The following ZNF808 variants were observed in gnomAD, a reference collection of about 807,000 sequenced individuals.
ZNF808 encodes the protein zinc finger protein 808.
A neutral mutation model predicts 8.7 loss-of-function variants in ZNF808; 5 were observed. The observed-to-expected ratio is 0.58, with a 90% CI of 0.30 to 1.21. The LOEUF is 1.21. Ranked by LOEUF, ZNF808 falls within the 50% of genes most tolerant of loss-of-function variation. The pLI is 0.07. For synonymous variants in ZNF808, 380 were observed against 366.0 expected, an observed-to-expected ratio of 1.04 and a Z score of -0.44; for missense variants, 1,103 against 1,098.4, an observed-to-expected ratio of 1.00 and a Z score of -0.06.
chr19:52,530,102 C>T (rs191881839), intron 1 of ZNF808, among the ~76,000 whole-genome samples: 1 of 151,864 alleles, frequency 6.6e-6, no homozygotes, highest in Non-Finnish European at 1.5e-5. Flanking sequence ...TTCTTTTTGC[C>T]CAGGCTAGCG....
chr19:52,566,147 A>T (rs1179023562), downstream of ZNF808, among the ~76,000 whole-genome samples: 3 of 151,298 alleles, frequency 2.0e-5, no homozygotes, highest in Non-Finnish European at 3.0e-5. Flanking sequence ...GAAAGATTTT[A>T]TATATATATA....
downstream of ZNF808, among the ~76,000 whole-genome samples, chr19:52,560,980 C>G (rs987928511): frequency 8.5e-5 from 13 of 152,050 alleles, no homozygotes; most frequent in Non-Finnish European, 1.9e-4. Context: ...CTGAGTAAGT[C>G]AAGACCTTAT....
At chr19:52,534,442 C>T (rs1370273870) in intron 2 of ZNF808, among the ~76,000 whole-genome samples, 3 of 152,116 alleles carry the variant, frequency 2.0e-5, no homozygotes, top group Non-Finnish European at 4.4e-5. Flanking sequence ...TAGCTGTTTG[C>T]CTCTATTTCC....
chr19:52,554,052 C>CT lies in ZNF808; in HGVS notation c.1140dup (p.Ala381CysfsTer11). 6.2e-7 allele frequency: 1 copy of CT among 1,614,042 alleles called. No individual in the cohort carries two copies. Among genetic ancestry groups the CT allele is most frequent in the Non-Finnish European group, 8.5e-7 (1 of 1,179,990 alleles). On this transcript the variant is annotated frameshift_variant, in exon 5 of 5. Coordinates refer to ENST00000359798, the MANE Select transcript of ZNF808 (RefSeq NM_001039886.4). LOFTEE classifies it low-confidence loss of function (END_TRUNC). ...TACAAATGTAAGATTTGTGAGAAGG[C>CT]TTTTGCGTGTCATTCCTATCTGGCA...
At chr19:52,541,197 G>C (rs139190015) in intron 2 of ZNF808, among the ~76,000 whole-genome samples, 2 of 151,158 alleles carry the variant, frequency 1.3e-5, no homozygotes, top group Non-Finnish European at 2.9e-5. Context: ...TGATCTGCCC[G>C]CCTCAGCCTC....
chr19:52,538,427 G>C (rs2608525), intron 2 of ZNF808, among the ~76,000 whole-genome samples: 45,521 of 147,050 alleles, frequency 0.31, 7,146 homozygotes, highest in East Asian at 0.5. Flanking sequence ...ATGACTCTCT[G>C]TGCCTTTAGA....
intron 2 of ZNF808, among the ~76,000 whole-genome samples, chr19:52,540,287 G>A (rs1318305127): frequency 2.0e-5 from 3 of 152,178 alleles, no homozygotes; most frequent in Non-Finnish European, 4.4e-5. Flanking sequence ...TGGGATTATA[G>A]GCGTGAGTCA....
chr19:52,553,014 A>G (rs1411284903), intron 4 of ZNF808, 93 bp from the exon 5 acceptor site: 1 of 1,407,744 alleles, frequency 7.1e-7, no homozygotes, highest in Non-Finnish European at 9.3e-7. Context: ...GGAATTTCAA[A>G]ATAAGTATTG....
In ZNF808 at chr19:52,555,718, T is replaced by A. The variant is rs1262397013; in HGVS notation, c.*90T>A. On this transcript the variant is annotated 3_prime_UTR_variant, in exon 5 of 5. Coordinates refer to ENST00000359798, the MANE Select transcript of ZNF808 (RefSeq NM_001039886.4). ...ATGAAGAGAAATCTTCTGAGTGTAA[T>A]AAATGTGGCATGTTTTTCAGACATT... is the stretch of plus-strand genomic sequence containing the variant. The A allele has an allele frequency of 3.3e-6, 5 of 1,521,220 alleles. No individual in the cohort carries two copies. The highest frequency in any genetic ancestry group is 4.5e-6 in the Non-Finnish European group (5 of 1,123,046). 94.2% of individuals were successfully genotyped at this position (1,521,220 alleles called of 1,614,324 possible). A position where few individuals can be genotyped will look rare whatever the true frequency, so the allele number is the denominator to read the frequency against.
chr19:52,566,540 AATAG>A (rs1426988875), downstream of ZNF808, among the ~76,000 whole-genome samples: 1 of 152,188 alleles, frequency 6.6e-6, no homozygotes, highest in Non-Finnish European at 1.5e-5. Flanking sequence ...AAACGCAAAT[AATAG>A]ATAATTACAT....
intron 2 of ZNF808, among the ~76,000 whole-genome samples, chr19:52,537,141 G>C (rs910770663): frequency 6.6e-6 from 1 of 151,870 alleles, no homozygotes; most frequent in South Asian, 2.1e-4. Flanking sequence ...AGCCGAGATC[G>C]CACCATTGCA....
chr19:52,536,392 C>T (rs905869826), intron 2 of ZNF808, among the ~76,000 whole-genome samples: 2 of 152,108 alleles, frequency 1.3e-5, no homozygotes, highest in South Asian at 2.1e-4. Context: ...GCCTCTCCGT[C>T]TTCGGCCCCT....
intron 4 of ZNF808, among the ~76,000 whole-genome samples, chr19:52,551,812 G>T (rs1381483044): frequency 1.3e-5 from 2 of 151,834 alleles, no homozygotes; most frequent in African/African-American, 4.8e-5. Context: ...AGACCAGCCT[G>T]GCCAACATGG....
chr19:52,547,469 C>T, intron 3 of ZNF808, 43 bp from the exon 4 acceptor site: 1 of 1,612,536 alleles, frequency 6.2e-7, no homozygotes, highest in Non-Finnish European at 8.5e-7. Flanking sequence ...GGTGATAACT[C>T]AATCCTCCAT....
At chr19:52,539,193 T>TTC in intron 2 of ZNF808, among the ~76,000 whole-genome samples, 1 of 149,534 alleles carries the variant, frequency 6.7e-6, no homozygotes, top group Admixed American at 6.7e-5. Flanking sequence ...CATTTTTTTT[T>TTC]TTTTTTTTTT....
intron 4 of ZNF808, among the ~76,000 whole-genome samples, chr19:52,551,922 C>G (rs1392911787): frequency 1.3e-5 from 2 of 152,062 alleles, no homozygotes; most frequent in Non-Finnish European, 1.5e-5. Flanking sequence ...AGAATCACTT[C>G]AACCCAGCAG....
At chr19:52,543,809 GC>G (rs1289766667) in intron 3 of ZNF808, among the ~76,000 whole-genome samples, 1 of 151,870 alleles carries the variant, frequency 6.6e-6, no homozygotes, top group Admixed American at 6.6e-5. Context: ...TGCATTTGAA[GC>G]CACACTAGTA....
At chr19:52,531,407 A>G (rs757234946) in intron 1 of ZNF808, among the ~76,000 whole-genome samples, 2 of 152,082 alleles carry the variant, frequency 1.3e-5, no homozygotes, top group South Asian at 4.2e-4. Flanking sequence ...CCTGGGAGGC[A>G]AAGGTTGTGG....
Position 52,531,346 on chromosome 19 carries a change from G to A in ZNF808, c.-121-1562G>A, listed in dbSNP as rs116789995. Among the ~76,000 whole-genome samples, 407 of 151,588 alleles carry A rather than the reference G, an allele frequency of 2.7e-3. 1 individual carries two copies. The highest frequency in any genetic ancestry group is 9.5e-3 in the African/African-American group (391 of 41,306). ...AATTAGTGTGTAGGTGTGGTGGCGC[G>A]TGGCTGTAATCTCAGCTACTCGGGA... is the stretch of plus-strand genomic sequence containing the variant. On this transcript the variant is annotated intron_variant, in intron 1 of 4. Transcript: ENST00000359798.
Sources: gnomAD v4.1 joint callset for allele counts (sites outside exome capture counted in the v4.1 genomes callset) on GRCh38, gnomAD v4.1.1 for gene constraint, MANE v1.5 for transcripts, NCBI Gene and HGNC (gene_info 2026-07-23, HGNC 2026-07-21) for gene names.